Variants in CAMK2D observed in about 807,000 individuals in gnomAD.
CAMK2D encodes calcium/calmodulin dependent protein kinase II delta.
CAMK2D carries 37 observed loss-of-function variants against 84.0 expected under a neutral mutation model. That is an observed-to-expected ratio of 0.44 (90% confidence interval 0.34 to 0.58). CAMK2D has a LOEUF of 0.58. CAMK2D is among the 20% of genes least tolerant of loss of function. CAMK2D has a pLI of 0.02. For synonymous variants in CAMK2D, 202 were observed against 212.5 expected, an observed-to-expected ratio of 0.95 and a Z score of 0.43; for missense variants, 448 against 652.5, an observed-to-expected ratio of 0.69 and a Z score of 3.41.
In CAMK2D at chr4:113,761,202, C is replaced by T. The variant is rs184275170; in HGVS notation, c.-134G>A. The T allele has an allele frequency of 6.4e-7, 1 of 1,556,098 alleles. No homozygotes were observed. The highest frequency in any genetic ancestry group is 1.8e-5 in the Admixed American group (1 of 54,736). On this transcript the variant is annotated 5_prime_UTR_variant, in exon 1 of 21. Coordinates refer to ENST00000511664, the MANE Select transcript of CAMK2D (RefSeq NM_001321571.2). ...ACTTTCCTGGTCCGAAAGTAGCTCGCCCGCGAGGGAGTGTGCGCAGGGGCG... is the reference window on the plus strand; with the variant it reads ...ACTTTCCTGGTCCGAAAGTAGCTCGTCCGCGAGGGAGTGTGCGCAGGGGCG...
intron 2 of CAMK2D, among the ~76,000 whole-genome samples, chr4:113,674,622 C>G (rs1320279003): frequency 6.6e-6 from 1 of 152,124 alleles, no homozygotes; most frequent in Non-Finnish European, 1.5e-5. Flanking sequence ...CCTGTCCAGG[C>G]TGGACAGTTA....
At chr4:113,587,199 T>C (rs904698865) in intron 4 of CAMK2D, among the ~76,000 whole-genome samples, 4 of 152,204 alleles carry the variant, frequency 2.6e-5, no homozygotes, top group South Asian at 2.1e-4. Flanking sequence ...TAATACTATA[T>C]ACCTTATGGA....
chr4:113,516,040 AT>A (rs752512470), intron 9 of CAMK2D, among the ~76,000 whole-genome samples: 15 of 152,238 alleles, frequency 9.9e-5, no homozygotes, highest in Non-Finnish European at 1.8e-4. Flanking sequence ...AAATGATAGA[AT>A]ATCAGGTTAT....
At chr4:113,760,303 G>A (rs185068107) in intron 1 of CAMK2D, among the ~76,000 whole-genome samples, 4 of 152,140 alleles carry the variant, frequency 2.6e-5, no homozygotes, top group African/African-American at 9.7e-5. Flanking sequence ...TCAGTCTCCA[G>A]AGGGCTTTTC....
chr4:113,546,756 C>T (rs1352782680), intron 6 of CAMK2D, among the ~76,000 whole-genome samples: 2 of 152,172 alleles, frequency 1.3e-5, no homozygotes, highest in Non-Finnish European at 2.9e-5. Flanking sequence ...TACTATTTTA[C>T]TCATCCAGTA....
intron 2 of CAMK2D, among the ~76,000 whole-genome samples, chr4:113,723,939 C>T (rs1002977101): frequency 6.6e-6 from 1 of 151,966 alleles, no homozygotes; most frequent in East Asian, 1.9e-4. Flanking sequence ...TTATTAATTG[C>T]CTTTTCAATA....
intron 2 of CAMK2D, among the ~76,000 whole-genome samples, chr4:113,753,206 TAAAAC>T (rs553275878): frequency 6.5e-4 from 99 of 152,118 alleles, no homozygotes; most frequent in Admixed American, 1.6e-3. Flanking sequence ...TTAAATAAAA[TAAAAC>T]AAAGTATCTT....
intron 2 of CAMK2D, among the ~76,000 whole-genome samples, chr4:113,733,137 G>A (rs1422537549): frequency 6.6e-6 from 1 of 152,172 alleles, no homozygotes; most frequent in Non-Finnish European, 1.5e-5. Flanking sequence ...GACAGAGACT[G>A]AAATGATAAA....
At chr4:113,607,106 T>C (rs2098980958) in intron 4 of CAMK2D, among the ~76,000 whole-genome samples, 1 of 151,686 alleles carries the variant, frequency 6.6e-6, no homozygotes, top group South Asian at 2.1e-4. Flanking sequence ...GTTGCTAGCA[T>C]ACCTATCCTA....
In CAMK2D at chr4:113,457,101, C is replaced by T. The variant is rs187307286; in HGVS notation, c.1535+234G>A. The T allele has an allele frequency of 6.2e-4, 624 of 1,008,812 alleles. 9 individuals carry two copies. The highest frequency in any genetic ancestry group is 2.7e-3 in the Admixed American group (77 of 28,186). 62.5% of individuals were successfully genotyped at this position (1,008,812 alleles called of 1,614,324 possible). ...GTGAGATTTTGATCACGTAGTCTCT[C>T]GTCCTGTCTAAACCTATCATATACT... On this transcript the variant is annotated intron_variant, in intron 19 of 20. Coordinates refer to ENST00000511664, the MANE Select transcript of CAMK2D (RefSeq NM_001321571.2).
chr4:113,606,471 G>A (rs1033920720), intron 4 of CAMK2D, among the ~76,000 whole-genome samples: 1 of 151,002 alleles, frequency 6.6e-6, no homozygotes, highest in African/African-American at 2.4e-5. Context: ...CTCCAGCCTG[G>A]GTGACAGAGT....
Position 113,761,510 on chromosome 4 carries a change from G to A in CAMK2D, c.-442C>T. On this transcript the variant is annotated 5_prime_UTR_variant, in exon 1 of 21. Transcript: ENST00000511664. ...AGGGGAGGGAGTCCGAGGGGGCGGA[G>A]GTGGAGTGCAGCGGGGCCGAGGCCG... The A allele has an allele frequency of 1.9e-6, 2 of 1,034,324 alleles. No individual in the cohort carries two copies. Among genetic ancestry groups the A allele is most frequent in the Non-Finnish European group, 2.3e-6 (2 of 858,906 alleles). 64.1% of individuals were successfully genotyped at this position (1,034,324 alleles called of 1,614,324 possible). A position where few individuals can be genotyped will look rare whatever the true frequency, so the allele number is the denominator to read the frequency against.
chr4:113,491,864 T>C (rs1441483953), intron 16 of CAMK2D, among the ~76,000 whole-genome samples: 1 of 152,054 alleles, frequency 6.6e-6, no homozygotes, highest in Non-Finnish European at 1.5e-5. Flanking sequence ...CCTGGTTTAG[T>C]CTTGGGAGGG....
At chr4:113,509,099 A>ATATT (rs1201285692) in intron 13 of CAMK2D, among the ~76,000 whole-genome samples, 19 of 152,220 alleles carry the variant, frequency 1.2e-4, no homozygotes, top group Non-Finnish European at 2.2e-4. Flanking sequence ...GATTTTTCTA[A>ATATT]TATTTGTTCA....
At chr4:113,647,986 A>G (rs1246146190) in intron 3 of CAMK2D, among the ~76,000 whole-genome samples, 1 of 152,218 alleles carries the variant, frequency 6.6e-6, no homozygotes. Flanking sequence ...TTAAATGAGA[A>G]ATTATTTGGG....
At chr4:113,471,057 A>G (rs1456658755) in intron 16 of CAMK2D, among the ~76,000 whole-genome samples, 1 of 152,222 alleles carries the variant, frequency 6.6e-6, no homozygotes, top group African/African-American at 2.4e-5. Context: ...TCGTTTATTG[A>G]CAATGACAGA....
At chr4:113,593,916 CTT>C (rs138017483) in intron 4 of CAMK2D, among the ~76,000 whole-genome samples, 4 of 149,660 alleles carry the variant, frequency 2.7e-5, no homozygotes, top group African/African-American at 9.8e-5. Flanking sequence ...CAGAGTTGTG[CTT>C]TTTTTTTTCC....
At chr4:113,646,448 G>C (rs1592429407) in intron 3 of CAMK2D, among the ~76,000 whole-genome samples, 1 of 152,184 alleles carries the variant, frequency 6.6e-6, no homozygotes, top group Admixed American at 6.5e-5. Context: ...AAAGCAAGAA[G>C]GATGCTAGGG....
At chr4:113,742,945 T>G (rs2099596256) in intron 2 of CAMK2D, among the ~76,000 whole-genome samples, 1 of 152,328 alleles carries the variant, frequency 6.6e-6, no homozygotes, top group Admixed American at 6.5e-5. Context: ...AAAAGCTGCC[T>G]GTAGAGTCCT....
Sources: gnomAD v4.1 joint callset for allele counts (sites outside exome capture counted in the v4.1 genomes callset) on GRCh38, gnomAD v4.1.1 for gene constraint, MANE v1.5 for transcripts, NCBI Gene and HGNC (gene_info 2026-07-23, HGNC 2026-07-21) for gene names.